Variants in SIPA1L2 observed in about 807,000 individuals in gnomAD.
SIPA1L2 encodes the protein signal-induced proliferation-associated 1-like protein 2.
SIPA1L2 carries 56 observed loss-of-function variants against 163.9 expected under a neutral mutation model. That is an observed-to-expected ratio of 0.34 (90% CI 0.28 to 0.43). The LOEUF is 0.43. SIPA1L2 is among the 20% of genes least tolerant of loss of function. The pLI is 1.00. For missense variants in SIPA1L2, 1,974 were observed against 2,193.5 expected (o/e 0.90, Z 2.00); for synonymous variants, 877 against 865.7 (o/e 1.01, Z -0.23).
chr1:232,545,526 C>T (rs987980429), intron 2 of SIPA1L2, among the ~76,000 whole-genome samples: 6 of 152,210 alleles, frequency 3.9e-5, no homozygotes, highest in Non-Finnish European at 8.8e-5. Context: ...ACCACCCTTA[C>T]AGAAGCTACA....
At chr1:232,605,114 G>A (rs1558299609) in intron 1 of SIPA1L2, among the ~76,000 whole-genome samples, 1 of 152,156 alleles carries the variant, frequency 6.6e-6, no homozygotes, top group Non-Finnish European at 1.5e-5. Flanking sequence ...CTGGGCTCAA[G>A]TGATTCTCCC....
intron 6 of SIPA1L2, among the ~76,000 whole-genome samples, chr1:232,483,489 G>A (rs1418781541): frequency 1.3e-5 from 2 of 152,174 alleles, no homozygotes; most frequent in African/African-American, 4.8e-5. Flanking sequence ...TGTAATAGAA[G>A]AGGTTAGGGT....
intron 18 of SIPA1L2, among the ~76,000 whole-genome samples, chr1:232,419,620 T>C (rs1661452086): frequency 6.6e-6 from 1 of 152,178 alleles, no homozygotes; most frequent in Non-Finnish European, 1.5e-5. Flanking sequence ...TCTTGCTATG[T>C]GACACTCCTG....
chr1:232,597,929 C>T (rs1005119171), intron 1 of SIPA1L2, among the ~76,000 whole-genome samples: 59 of 152,214 alleles, frequency 3.9e-4, no homozygotes, highest in Middle Eastern at 3.4e-3. Context: ...ACTTTTAAAA[C>T]CTGTTCTCCA....
chr1:232,483,195 G>A (rs919342015), intron 6 of SIPA1L2, among the ~76,000 whole-genome samples: 1 of 151,794 alleles, frequency 6.6e-6, no homozygotes, highest in African/African-American at 2.4e-5. Context: ...ACAGCTAGTA[G>A]GTGTCCCACT....
chr1:232,458,306 C>T (rs1664043335), intron 10 of SIPA1L2, among the ~76,000 whole-genome samples: 1 of 152,122 alleles, frequency 6.6e-6, no homozygotes, highest in Admixed American at 6.5e-5. Flanking sequence ...TAGACCAAGG[C>T]AGATAACTGA....
intron 1 of SIPA1L2, among the ~76,000 whole-genome samples, chr1:232,579,302 GCTA>G (rs1660242842): frequency 6.6e-6 from 1 of 151,928 alleles, no homozygotes; most frequent in Non-Finnish European, 1.5e-5. Context: ...AAAAAAAAAG[GCTA>G]CTTTTTGTTT....
rs929258465 is a variant in SIPA1L2, at chr1:232,566,241, C to T, written c.-270+7933G>A. On this transcript the variant is annotated intron_variant, in intron 2 of 22. Coordinates refer to ENST00000674635, the MANE Select transcript of SIPA1L2 (RefSeq NM_020808.5). ...CCTCTATCAGACACATTGCTCATTA[C>T]CTCAGAAAGTGCTTTCATTGAGGAA... is the stretch of plus-strand genomic sequence containing the variant. Among the ~76,000 whole-genome samples the T allele has an allele frequency of 9.2e-5, 14 of 152,274 alleles. No homozygotes were observed. In the East Asian group the frequency reaches 2.5e-3, roughly 27 times the overall value.
chr1:232,510,115 T>G (rs1024472840), intron 3 of SIPA1L2, among the ~76,000 whole-genome samples: 1 of 152,106 alleles, frequency 6.6e-6, no homozygotes, highest in South Asian at 2.1e-4. Flanking sequence ...CATAAAATCA[T>G]GATGGAGCAT....
intron 3 of SIPA1L2, among the ~76,000 whole-genome samples, chr1:232,513,655 C>A (rs1263383385): frequency 1.3e-5 from 2 of 152,102 alleles, no homozygotes; most frequent in Non-Finnish European, 2.9e-5. Flanking sequence ...TACCCATAAA[C>A]AAAGGCATGG....
intron 2 of SIPA1L2, among the ~76,000 whole-genome samples, chr1:232,573,213 A>G (rs776075789): frequency 2.0e-5 from 3 of 152,186 alleles, no homozygotes; most frequent in Admixed American, 6.5e-5. Flanking sequence ...CTGACCCTAG[A>G]GGGACCCTAT....
At chr1:232,561,917 G>A (rs1023824165) in intron 2 of SIPA1L2, among the ~76,000 whole-genome samples, 5 of 152,200 alleles carry the variant, frequency 3.3e-5, no homozygotes, top group Non-Finnish European at 7.3e-5. Flanking sequence ...GAGGCTTAGC[G>A]ATTACTAAAC....
In SIPA1L2 at chr1:232,559,447, C is replaced by T. The variant is rs1199845338; in HGVS notation, c.-270+14727G>A. 2.6e-5 allele frequency among the ~76,000 whole-genome samples: 4 copies of T among 152,106 alleles called. No individual in the cohort carries two copies. The South Asian group carries it at 6.2e-4, about 24-fold the overall frequency. ...AGGAAGAATAAACCTCCTTTTGCCCCGGTCAGTGTTCTTGAAAAGAAATAT... is the reference window on the plus strand; with the variant it reads ...AGGAAGAATAAACCTCCTTTTGCCCTGGTCAGTGTTCTTGAAAAGAAATAT... On this transcript the variant is annotated intron_variant, in intron 2 of 22. Transcript: ENST00000674635.
At chr1:232,431,388 C>A (rs530008857) in intron 16 of SIPA1L2, among the ~76,000 whole-genome samples, 5 of 152,140 alleles carry the variant, frequency 3.3e-5, no homozygotes, top group Non-Finnish European at 7.4e-5. Context: ...AAGGCAATAT[C>A]ATATGAGCTG....
intron 8 of SIPA1L2, among the ~76,000 whole-genome samples, chr1:232,467,920 T>A (rs1484858080): frequency 6.6e-6 from 1 of 152,148 alleles, no homozygotes; most frequent in African/African-American, 2.4e-5. Flanking sequence ...AGTAGGGAAA[T>A]TTTTTGTGTA....
rs769522927 is a variant in SIPA1L2, at chr1:232,465,203, G to A, written c.2457C>T (p.Thr819=). 1.2e-5 allele frequency: 19 copies of A among 1,614,012 alleles called. No individual in the cohort carries two copies. The Admixed American group carries it at 2.3e-4, about 20-fold the overall frequency. The change falls in exon 9 of 23, where the codon ACC becomes ACT. Residue 819 remains threonine, a synonymous_variant. Transcript: ENST00000674635. The surrounding 1 kb of genome is among the most constrained non-coding windows in gnomAD (Gnocchi z 4.1). ...LKDLAENFVT[T]ATVDTSVKFS... ...ACTTCACAGAGGTATCCACGGTGGCGGTTGTGACAAAGTTCTCCGCCAGAT... is the reference window on the plus strand; with the variant it reads ...ACTTCACAGAGGTATCCACGGTGGCAGTTGTGACAAAGTTCTCCGCCAGAT...
chr1:232,515,694 C>T (rs376992671), intron 2 of SIPA1L2, 86 bp from the exon 3 acceptor site: 1 of 207,708 alleles, frequency 4.8e-6, no homozygotes, highest in Non-Finnish European at 9.7e-6. Context: ...ATCTGTCTTT[C>T]CCCTCTGCTT....
intron 2 of SIPA1L2, among the ~76,000 whole-genome samples, chr1:232,563,548 T>C (rs1429491049): frequency 6.6e-6 from 1 of 152,210 alleles, no homozygotes; most frequent in Non-Finnish European, 1.5e-5. Context: ...TTATTGAATA[T>C]GGCTTTCAAG....
intron 14 of SIPA1L2, 119 bp from the exon 15 acceptor site, chr1:232,439,615 C>T: frequency 8.8e-7 from 1 of 1,141,844 alleles, no homozygotes; most frequent in Admixed American, 2.4e-5. Flanking sequence ...ACTCACTCTT[C>T]AATGTGGGCA....
Sources: allele counts gnomAD v4.1 joint callset (sites outside exome capture counted in the v4.1 genomes callset), GRCh38; gene constraint gnomAD v4.1.1; non-coding constraint Gnocchi (gnomAD v3.1); transcripts MANE v1.5; gene names NCBI Gene and HGNC (gene_info 2026-07-23, HGNC 2026-07-21).